The following GP6 variants were observed in gnomAD, a reference collection of about 807,000 sequenced individuals.
The protein encoded by GP6 is glycoprotein VI platelet.
Under a neutral mutation model 37.3 loss-of-function variants are expected in GP6, and 45 were observed. That is an observed-to-expected ratio of 1.21 (90% confidence interval 0.95 to 1.55). The LOEUF is 1.55. GP6 is among the 40% of genes most tolerant of loss of function. GP6 has a pLI of 0.00. For missense variants in GP6, 813 were observed against 760.2 expected (o/e 1.07, Z -0.82); for synonymous variants, 340 against 316.4 (o/e 1.07, Z -0.79).
At chr19:55,034,569 AATG>A (rs1776582019) in intron 1 of GP6, among the ~76,000 whole-genome samples, 1 of 151,908 alleles carries the variant, frequency 6.6e-6, no homozygotes, top group Admixed American at 6.6e-5. Flanking sequence ...GAAAAAAAAA[AATG>A]ATATTGCCCC....
chr19:55,015,465 AG>A (rs1374824655), intron 7 of GP6, among the ~76,000 whole-genome samples: 1 of 152,182 alleles, frequency 6.6e-6, no homozygotes, highest in African/African-American at 2.4e-5. Flanking sequence ...GGGGTGGGGA[AG>A]AGATGGAATC....
chr19:55,023,993 T>C (rs901135543), intron 5 of GP6, among the ~76,000 whole-genome samples: 6 of 152,124 alleles, frequency 3.9e-5, no homozygotes, highest in Admixed American at 2.0e-4. Flanking sequence ...GGGAGGCCCT[T>C]GTGAGACGGA....
intron 5 of GP6, 32 bp from the exon 6 acceptor site, chr19:55,018,743 C>A (rs560147832): frequency 6.7e-7 from 1 of 1,489,830 alleles, no homozygotes; most frequent in African/African-American, 1.4e-5. Flanking sequence ...AGGTCTTCCC[C>A]GTGGTTCCCT....
At position 55,014,140 on chromosome 19, in the gene GP6, G is replaced by A. The variant is rs2886416; in HGVS notation, c.1805C>T (p.Thr602Met). 13,004 of 694,732 alleles carry A rather than the reference G, an allele frequency of 0.019. 1,157 individuals carry two copies. In the African/African-American group the frequency reaches 0.2, roughly 11 times the overall value. 43.0% of individuals were successfully genotyped at this position (694,732 alleles called of 1,614,324 possible). A position where few individuals can be genotyped will look rare whatever the true frequency, so the allele number is the denominator to read the frequency against. ...ATTTTTTGAGACAAAGTCAGGCTTC[G>A]TCACCCGAGCTAGAGTGCAGTGGTG... The change falls in exon 8 of 8, where the codon ACG becomes ATG. Residue 602 changes from threonine (T) to methionine (M), a missense_variant. By Grantham distance (81) the Thr-to-Met change is moderately conservative. Coordinates refer to ENST00000310373, the MANE Select transcript of GP6 (RefSeq NM_001083899.2).
chr19:55,021,012 C>T (rs2074056565), intron 5 of GP6, among the ~76,000 whole-genome samples: 1 of 141,546 alleles, frequency 7.1e-6, no homozygotes, highest in Admixed American at 7.3e-5. Flanking sequence ...AGATCATGCC[C>T]CTGCAATCCA....
At chr19:55,027,526 A>C (rs1203943835) in intron 4 of GP6, 52 bp downstream of exon 4, 2 of 1,470,966 alleles carry the variant, frequency 1.4e-6, no homozygotes, top group African/African-American at 1.4e-5. Context: ...TGGAATGGCC[A>C]TCAGGACCTA....
At chr19:55,034,942 C>T (rs188593459) in intron 1 of GP6, among the ~76,000 whole-genome samples, 22 of 152,256 alleles carry the variant, frequency 1.4e-4, no homozygotes, top group African/African-American at 4.6e-4. Flanking sequence ...TGCACCCCAA[C>T]GCAAGCTCCG....
intron 3 of GP6, 29 bp from the exon 4 acceptor site, chr19:55,027,891 A>T: frequency 1.2e-6 from 2 of 1,612,244 alleles, no homozygotes; most frequent in Non-Finnish European, 1.7e-6. Flanking sequence ...CTGATGTTGA[A>T]GGCAGGAGCC....
chr19:55,026,785 C>G (rs1177535415), intron 4 of GP6, among the ~76,000 whole-genome samples: 3 of 152,014 alleles, frequency 2.0e-5, no homozygotes, highest in African/African-American at 7.3e-5. Flanking sequence ...ACTCGAGAGG[C>G]TGAGGCAGCA....
chr19:55,034,676 T>C (rs1239504259), intron 1 of GP6, among the ~76,000 whole-genome samples: 3 of 151,672 alleles, frequency 2.0e-5, no homozygotes, highest in African/African-American at 7.3e-5. Context: ...AATTCCAATT[T>C]AACCAGGCAT....
In GP6 at chr19:55,014,680, TG is replaced by T; in HGVS notation, c.1264del (p.His422IlefsTer9). 1 of 1,613,982 alleles carries T rather than the reference TG, an allele frequency of 6.2e-7. No homozygotes were observed. On this transcript the variant is annotated frameshift_variant, in exon 8 of 8. Transcript: ENST00000310373. LOFTEE classifies it low-confidence loss of function (END_TRUNC). ...CATCCACAGTGTGCAGGGAGGAGGA[TG>T]GGGTCTCCACAGATTCCTTCCATCC... is the stretch of plus-strand genomic sequence containing the variant.
intron 5 of GP6, among the ~76,000 whole-genome samples, chr19:55,020,366 T>C (rs1215483367): frequency 6.6e-6 from 1 of 151,998 alleles, no homozygotes; most frequent in Non-Finnish European, 1.5e-5. Flanking sequence ...CCTGATCCTC[T>C]CCCTCCCCCA....
chr19:55,028,302 A>C (rs1328442847), intron 3 of GP6, among the ~76,000 whole-genome samples: 2 of 152,238 alleles, frequency 1.3e-5, no homozygotes, highest in Non-Finnish European at 2.9e-5. Flanking sequence ...TGTGGCTGAC[A>C]GTGCTAGCTT....
chr19:55,021,998 T>G (rs928746722), intron 5 of GP6, among the ~76,000 whole-genome samples: 1 of 147,486 alleles, frequency 6.8e-6, no homozygotes, highest in Non-Finnish European at 1.5e-5. Context: ...TTTTTAATGG[T>G]TTTTTTTTTC....
chr19:55,025,651 A>G (rs1372915533), intron 4 of GP6, among the ~76,000 whole-genome samples: 2 of 151,782 alleles, frequency 1.3e-5, no homozygotes, highest in African/African-American at 2.4e-5. Context: ...GGTTGCAGTG[A>G]TCTGAGATCG....
chr19:55,034,117 C>T (rs56197494), intron 1 of GP6, among the ~76,000 whole-genome samples: 73,457 of 149,828 alleles, frequency 0.49, 18,250 homozygotes, highest in African/African-American at 0.58. Context: ...TACATACACA[C>T]GTGTATATGT....
chr19:55,027,638 A>G lies in GP6; in HGVS notation c.550T>C (p.Ser184Pro). Residue 184 changes from serine to proline, a missense_variant, in exon 4 of 8, where the codon TCC (serine) becomes CCC (proline). Coordinates refer to ENST00000310373, the MANE Select transcript of GP6 (RefSeq NM_001083899.2). ...GACCACAGGTATGGGTCCCTGCTGG[A>G]GAAGCTGTAGCATCGGTAGGTTCCG... 2 of 1,613,630 alleles carry G rather than the reference A, an allele frequency of 1.2e-6. No homozygotes were observed. The highest frequency in any genetic ancestry group is 1.7e-6 in the Non-Finnish European group (2 of 1,179,530).
At chr19:55,029,466 C>G (rs1234783865) in intron 3 of GP6, among the ~76,000 whole-genome samples, 1 of 141,572 alleles carries the variant, frequency 7.1e-6, no homozygotes, top group African/African-American at 2.6e-5. Context: ...TCCCAGCTCA[C>G]TGCAACCTCC....
Position 55,019,935 on chromosome 19 carries a change from C to T in GP6, c.665-1224G>A, listed in dbSNP as rs550006291. Reference sequence around the variant, plus strand: ...CCTTGTGATCCACCCGCCTCAGCCTCCCAAAGTGCTGGGAATACAGGCGTG... The same window carrying T: ...CCTTGTGATCCACCCGCCTCAGCCTTCCAAAGTGCTGGGAATACAGGCGTG... On this transcript the variant is annotated intron_variant, in intron 5 of 7. Coordinates refer to ENST00000310373, the MANE Select transcript of GP6 (RefSeq NM_001083899.2). 5.3e-5 allele frequency among the ~76,000 whole-genome samples: 8 copies of T among 152,272 alleles called. No individual in the cohort carries two copies. The East Asian group carries it at 1.5e-3, about 29-fold the overall frequency.
Sources: gnomAD v4.1 joint callset for allele counts (sites outside exome capture counted in the v4.1 genomes callset) on GRCh38, gnomAD v4.1.1 for gene constraint, MANE v1.5 for transcripts, NCBI Gene and HGNC (gene_info 2026-07-23, HGNC 2026-07-21) for gene names.